The following AIFM2 variants were observed in gnomAD, a reference collection of about 807,000 sequenced individuals.
AIFM2 encodes the protein ferroptosis suppressor protein 1.
Under a neutral mutation model 35.7 loss-of-function variants are expected in AIFM2, and 38 were observed. The ratio of observed to expected loss-of-function variants is 1.06; its 90% confidence interval spans 0.82 to 1.39. The LOEUF (loss-of-function observed/expected upper bound fraction) is 1.39, where lower values mean the gene tolerates loss of function less well. Among genes scored for constraint, AIFM2 ranks in the 40% most tolerant of loss-of-function variants. The pLI, the probability that AIFM2 is intolerant of heterozygous loss-of-function variation, is 0.00. For synonymous variants in AIFM2, 185 were observed against 203.5 expected, an observed-to-expected ratio of 0.91 and a Z score of 0.77; for missense variants, 476 against 491.2, an observed-to-expected ratio of 0.97 and a Z score of 0.29.
At chr10:70,125,437 CAAAAAAAAAA>C (rs199638586) in intron 1 of AIFM2, among the ~76,000 whole-genome samples, 6 of 67,960 alleles carry the variant, frequency 8.8e-5, no homozygotes, top group African/African-American at 2.0e-4. Flanking sequence ...TCTGTCTCTA[CAAAAAAAAAA>C]AAAAAAAAAA....
At chr10:70,122,067 G>A (rs1019132063) in intron 3 of AIFM2, among the ~76,000 whole-genome samples, 5 of 151,952 alleles carry the variant, frequency 3.3e-5, no homozygotes, top group Non-Finnish European at 1.5e-5. Flanking sequence ...ACTCCAGCCT[G>A]GGCAACAAGA....
chr10:70,126,377 C>T (rs966658497), intron 1 of AIFM2, among the ~76,000 whole-genome samples: 3 of 152,158 alleles, frequency 2.0e-5, no homozygotes, highest in Non-Finnish European at 2.9e-5. Flanking sequence ...CGGGTGTCAG[C>T]GAAGGAGGAA....
chr10:70,114,195 T>C lies in AIFM2; in HGVS notation c.1105A>G (p.Arg369Gly). 1 of 1,613,384 alleles carries C rather than the reference T, an allele frequency of 6.2e-7. No homozygotes were observed. The highest frequency in any genetic ancestry group is 1.1e-5 in the South Asian group (1 of 91,058). ...LFVSTSWKTM[R>G]QSPP Reference sequence around the variant, plus strand: ...CCTCTCCATCAAGGTGGAGACTGCCTCATGGTTTTCCAGCTCGTAGAGACG... The same window carrying C: ...CCTCTCCATCAAGGTGGAGACTGCCCCATGGTTTTCCAGCTCGTAGAGACG... The change falls in exon 9 of 9, where the codon AGG (arginine) becomes GGG (glycine). Residue 369 changes from arginine to glycine, a missense_variant. By Grantham distance (125) the Arg-to-Gly change is moderately radical. Transcript: ENST00000307864.
Position 70,114,663 on chromosome 10 carries a change from G to A in AIFM2, c.970+257C>T, listed in dbSNP as rs376391827. 3.4e-4 allele frequency: 179 copies of A among 521,950 alleles called. No individual in the cohort carries two copies. In the East Asian group the frequency reaches 5.4e-3, roughly 16 times the overall value. The allele number at this position is 521,950 out of a possible 1,614,324, so 32.3% of individuals were successfully genotyped here. On this transcript the variant is annotated intron_variant, in intron 8 of 8. Transcript: ENST00000307864. ...CTAATTTTGTATTTTTAGTAGAGAC[G>A]GGGTTTCTCCATGTTGGTCAGGCTG... is the stretch of plus-strand genomic sequence containing the variant.
At chr10:70,118,503 T>A (rs1336755875) in intron 5 of AIFM2, among the ~76,000 whole-genome samples, 4 of 152,212 alleles carry the variant, frequency 2.6e-5, no homozygotes, top group Non-Finnish European at 5.9e-5. Context: ...AATTTTGTAA[T>A]GATGAGCAAA....
In AIFM2 at chr10:70,115,114, C is replaced by T; in HGVS notation, c.776G>A (p.Arg259Lys). ...TCTCAGAGCACCACTGCTGGCTAGT[C>T]TGCTCTCTGCCAGAAGAAATGACAC... ...SSAYRKAFES[R>K]LASSGALRVN... Residue 259 changes from arginine to lysine, a missense_variant, in exon 8 of 9, where the codon AGA becomes AAA. Transcript: ENST00000307864. 6.2e-7 allele frequency: 1 copy of T among 1,613,598 alleles called. No homozygotes were observed. Among genetic ancestry groups the T allele is most frequent in the Non-Finnish European group, 8.5e-7 (1 of 1,179,802 alleles).
rs570215374 is a variant in AIFM2 at position 70,121,004 on chromosome 10, C to G, written c.414+88G>C. ...CTACAGCCAGCAGCTCTGAGTAACC[C>G]CGTGGCCTCCCAGCTGCAGGCCTAG... On this transcript the variant is annotated intron_variant, in intron 4 of 8. Coordinates refer to ENST00000307864, the MANE Select transcript of AIFM2 (RefSeq NM_032797.6). 3.3e-4 allele frequency: 509 copies of G among 1,534,972 alleles called. 9 individuals carry two copies. The South Asian group carries it at 6.0e-3, about 18-fold the overall frequency.
rs1489043001 is a variant in AIFM2 at position 70,117,805 on chromosome 10, C to T, written c.616+7G>A. On this transcript the variant is annotated splice_region_variant and intron_variant, in intron 6 of 8. Transcript: ENST00000307864. This position sits in a 1 kb window ranked among gnomAD's most constrained non-coding sequence, Gnocchi z 4.7. Reference sequence around the variant, plus strand: ...CAGGGCAGGGAGGGAGGTGAGGGTGCACGTACTCAGCAGCAGCTGCACGCC... The same window carrying T: ...CAGGGCAGGGAGGGAGGTGAGGGTGTACGTACTCAGCAGCAGCTGCACGCC... The T allele has an allele frequency of 6.2e-7, 1 of 1,601,094 alleles. No individual in the cohort carries two copies. Among genetic ancestry groups the T allele is most frequent in the Admixed American group, 1.7e-5 (1 of 57,608 alleles).
intron 3 of AIFM2, among the ~76,000 whole-genome samples, chr10:70,122,109 AT>A (rs941228220): frequency 1.1e-4 from 16 of 152,090 alleles, no homozygotes; most frequent in South Asian, 4.2e-4. Context: ...AATTAAAAAA[AT>A]TTTTTTTTAA....
chr10:70,118,009 TC>T, intron 5 of AIFM2, 89 bp from the exon 6 acceptor site: 2 of 896,828 alleles, frequency 2.2e-6, no homozygotes, highest in South Asian at 1.5e-5. Flanking sequence ...CACTCATACC[TC>T]CAGGTTACAG....
rs750569861 is a variant in AIFM2, at chr10:70,123,405, C to T, written c.294G>A (p.Glu98=). ...KNQMVLLQGG[E]ALPFSHLILA... The stretch of plus-strand genomic sequence containing the variant: ...GGCAGCCGGGCTGGCCCTCACTCAC[C>T]TCGCCACCCTGCAGCAGCACCATCT... Residue 98 remains glutamate (E), a splice_region_variant and synonymous_variant, in exon 3 of 9, where the codon GAG becomes GAA. Transcript: ENST00000307864. 5.0e-6 allele frequency: 8 copies of T among 1,613,724 alleles called. No homozygotes were observed. Among genetic ancestry groups the T allele is most frequent in the Middle Eastern group, 1.6e-4 (1 of 6,072 alleles).
chr10:70,126,367 C>T (rs73273543), intron 1 of AIFM2, among the ~76,000 whole-genome samples: 3 of 152,158 alleles, frequency 2.0e-5, no homozygotes, highest in African/African-American at 7.2e-5. Flanking sequence ...GGGACTGGAG[C>T]GGGTGTCAGC....
At position 70,131,044 on chromosome 10, in the gene AIFM2, T is replaced by C. The variant is rs138910634; in HGVS notation, c.-14+1690A>G. On this transcript the variant is annotated intron_variant, in intron 1 of 8. Coordinates refer to ENST00000307864, the MANE Select transcript of AIFM2 (RefSeq NM_032797.6). The surrounding 1 kb of genome is among the most constrained non-coding windows in gnomAD (Gnocchi z 4.1). ...GTATTATTCCACAATAAGCAGCCCATAGGACTACTGAAAAACCAGGAAGTT... is the reference window on the plus strand; with the variant it reads ...GTATTATTCCACAATAAGCAGCCCACAGGACTACTGAAAAACCAGGAAGTT... 5.3e-5 allele frequency among the ~76,000 whole-genome samples: 8 copies of C among 152,296 alleles called. No homozygotes were observed. The East Asian group carries it at 1.2e-3, about 22-fold the overall frequency.
At chr10:70,132,241 C>A (rs148402317) in intron 1 of AIFM2, among the ~76,000 whole-genome samples, 1 of 152,216 alleles carries the variant, frequency 6.6e-6, no homozygotes, top group African/African-American at 2.4e-5. Flanking sequence ...TGCTGCACCC[C>A]CCAGCTCCCC....
rs974615268 is a variant in AIFM2 at position 70,117,389 on chromosome 10, C to G, written c.616+423G>C. On this transcript the variant is annotated intron_variant, in intron 6 of 8. Coordinates refer to ENST00000307864, the MANE Select transcript of AIFM2 (RefSeq NM_032797.6). The surrounding 1 kb of genome is among the most constrained non-coding windows in gnomAD (Gnocchi z 4.7). ...TGCTGGGTGGGTCTCGTCCCCTGCT[C>G]TACAAGAAGGCCACACTCCTCACCA... Among the ~76,000 whole-genome samples, 2 of 152,224 alleles carry G rather than the reference C, an allele frequency of 1.3e-5. No homozygotes were observed. The highest frequency in any genetic ancestry group is 4.8e-5 in the African/African-American group (2 of 41,458).
Position 70,120,610 on chromosome 10 carries a change from G to A in AIFM2, c.415-11C>T, listed in dbSNP as rs770932172. On this transcript the variant is annotated splice_polypyrimidine_tract_variant and intron_variant, in intron 4 of 8. Coordinates refer to ENST00000307864, the MANE Select transcript of AIFM2 (RefSeq NM_032797.6). Reference sequence around the variant, plus strand: ...CCGTGAGCGCTGGACCTGGAGAAGAGGACATGTGAAACAGGGACATATGAA... The same window carrying A: ...CCGTGAGCGCTGGACCTGGAGAAGAAGACATGTGAAACAGGGACATATGAA... 2 of 1,613,948 alleles carry A rather than the reference G, an allele frequency of 1.2e-6. No homozygotes were observed. The highest frequency in any genetic ancestry group is 2.2e-5 in the South Asian group (2 of 91,088).
At position 70,117,814 on chromosome 10, in the gene AIFM2, A is replaced by T; in HGVS notation, c.614T>A (p.Leu205Gln). ...ILLRKGVQLL[L>Q]SERVSNLEEL... ...GAGGGAGGTGAGGGTGCACGTACTC[A>T]GCAGCAGCTGCACGCCCTTCCGGAG... Residue 205 changes from leucine (L) to glutamine (Q), a missense_variant and splice_region_variant, in exon 6 of 9, where the codon CTG becomes CAG. Leu to Gln is a moderately radical substitution (Grantham distance 113, BLOSUM62 -2). Transcript: ENST00000307864. This position sits in a 1 kb window ranked among gnomAD's most constrained non-coding sequence, Gnocchi z 4.7. 2 of 1,604,490 alleles carry T rather than the reference A, an allele frequency of 1.2e-6. No individual in the cohort carries two copies. The highest frequency in any genetic ancestry group is 1.7e-6 in the Non-Finnish European group (2 of 1,176,168).
rs779486195 is a variant in AIFM2 at position 70,115,140 on chromosome 10, C to A, written c.770-20G>T. Reference sequence around the variant, plus strand: ...TGCTCTCTGCCAGAAGAAATGACACCGAAACCAAGACACTGAGCTGCTGTG... The same window carrying A: ...TGCTCTCTGCCAGAAGAAATGACACAGAAACCAAGACACTGAGCTGCTGTG... On this transcript the variant is annotated intron_variant, in intron 7 of 8. Transcript: ENST00000307864. 6.2e-7 allele frequency: 1 copy of A among 1,611,824 alleles called. No individual in the cohort carries two copies. The highest frequency in any genetic ancestry group is 8.5e-7 in the Non-Finnish European group (1 of 1,179,184).
chr10:70,124,323 T>G (rs2072542942), intron 1 of AIFM2, among the ~76,000 whole-genome samples: 1 of 152,250 alleles, frequency 6.6e-6, no homozygotes. Context: ...TCCAGAGGCA[T>G]CCACTGTTAC....
Sources: allele counts gnomAD v4.1 joint callset (sites outside exome capture counted in the v4.1 genomes callset), GRCh38; gene constraint gnomAD v4.1.1; non-coding constraint Gnocchi (gnomAD v3.1); transcripts MANE v1.5; gene names NCBI Gene and HGNC (gene_info 2026-07-23, HGNC 2026-07-21).